NBEA: variants seen among roughly 807,000 people sequenced by gnomAD.
NBEA encodes the protein lysosomal-trafficking regulator 2.
Under a neutral mutation model 343.4 loss-of-function variants are expected in NBEA, and 44 were observed. The ratio of observed to expected loss-of-function variants is 0.13; its 90% confidence interval spans 0.10 to 0.16. NBEA has a LOEUF of 0.16. NBEA is among the 10% of genes least tolerant of loss of function. The pLI, the probability that NBEA is intolerant of heterozygous loss-of-function variation, is 1.00. For synonymous variants in NBEA, 1,175 were observed against 1,238.7 expected (o/e 0.95, Z 1.08); for missense variants, 2,555 against 3,631.3 (o/e 0.70, Z 7.62).
chr13:35,487,026 T>C (rs1028917070), intron 41 of NBEA, among the ~76,000 whole-genome samples: 3 of 151,972 alleles, frequency 2.0e-5, no homozygotes, highest in Non-Finnish European at 4.4e-5. Context: ...TATAAAGGTT[T>C]ATCCATATCA....
intron 18 of NBEA, among the ~76,000 whole-genome samples, chr13:35,146,462 G>A (rs528275138): frequency 5.3e-5 from 8 of 152,206 alleles, no homozygotes; most frequent in East Asian, 3.9e-4. Context: ...TGTGGGAGCC[G>A]CCAGGAACGT....
intron 8 of NBEA, among the ~76,000 whole-genome samples, chr13:35,059,180 A>G (rs2152567734): frequency 6.6e-6 from 1 of 152,086 alleles, no homozygotes; most frequent in African/African-American, 2.4e-5. Flanking sequence ...ATATTACTTA[A>G]TGAACATAAT....
At chr13:35,445,820 A>ATATATATATATATATATG (rs2045999308) in intron 39 of NBEA, among the ~76,000 whole-genome samples, 1 of 134,784 alleles carries the variant, frequency 7.4e-6, no homozygotes, top group African/African-American at 2.7e-5. Context: ...ATATATATGT[A>ATATATATATATATATATG]TATATATATA....
intron 41 of NBEA, among the ~76,000 whole-genome samples, chr13:35,481,008 G>A (rs1445731410): frequency 1.3e-5 from 2 of 151,874 alleles, no homozygotes; most frequent in Non-Finnish European, 2.9e-5. Flanking sequence ...GTCACTGTTT[G>A]CACAATTTAG....
chr13:35,330,542 C>G (rs1566627274), intron 36 of NBEA, among the ~76,000 whole-genome samples: 1 of 151,962 alleles, frequency 6.6e-6, no homozygotes, highest in Non-Finnish European at 1.5e-5. Flanking sequence ...TTCAATGATT[C>G]TCTCCTTTCC....
At chr13:35,294,463 G>A (rs574545729) in intron 35 of NBEA, among the ~76,000 whole-genome samples, 13 of 152,000 alleles carry the variant, frequency 8.6e-5, no homozygotes, top group Non-Finnish European at 4.4e-5. Flanking sequence ...ATAGTAAGAA[G>A]ATTTCAAATA....
intron 11 of NBEA, among the ~76,000 whole-genome samples, chr13:35,100,109 C>T (rs1168109377): frequency 1.3e-5 from 2 of 151,960 alleles, no homozygotes; most frequent in Admixed American, 1.3e-4. Context: ...AATTGTTTTA[C>T]ATTTGAAATA....
chr13:34,978,683 T>A (rs926205097), intron 1 of NBEA, among the ~76,000 whole-genome samples: 1 of 152,172 alleles, frequency 6.6e-6, no homozygotes, highest in Non-Finnish European at 1.5e-5. Flanking sequence ...TATTGGCTGT[T>A]GTAGAATCTT....
chr13:35,082,370 A>G (rs144455296), intron 10 of NBEA, among the ~76,000 whole-genome samples: 1,787 of 152,298 alleles, frequency 0.012, 38 homozygotes, highest in African/African-American at 0.041. Context: ...TAGTGCCTCA[A>G]TAAACATATG....
At chr13:35,309,296 T>C (rs1309490829) in intron 35 of NBEA, among the ~76,000 whole-genome samples, 1 of 152,108 alleles carries the variant, frequency 6.6e-6, no homozygotes, top group East Asian at 1.9e-4. Context: ...ACTTTCCATC[T>C]CAGTTTGCAT....
At chr13:35,457,155 T>C (rs1055304711) in intron 40 of NBEA, among the ~76,000 whole-genome samples, 2 of 152,110 alleles carry the variant, frequency 1.3e-5, no homozygotes, top group Non-Finnish European at 2.9e-5. Flanking sequence ...CATCTCCTCC[T>C]GTTAAAAACC....
rs111535899 is a variant in NBEA, at chr13:35,321,840, C to G, written c.5903+12248C>G. On this transcript the variant is annotated intron_variant, in intron 36 of 58. Transcript: ENST00000379939. ...AGGCAGTCTGGCTACAGTGGCTTTG[C>G]TGAGCTGCGGAGGGCTCCGCCCAGT... Among the ~76,000 whole-genome samples the G allele has an allele frequency of 6.4e-3, 978 of 152,292 alleles. 9 individuals carry two copies. Among genetic ancestry groups the G allele is most frequent in the African/African-American group, 0.023 (940 of 41,566 alleles).
chr13:35,408,790 A>G (rs751415914), intron 38 of NBEA, among the ~76,000 whole-genome samples: 17 of 152,222 alleles, frequency 1.1e-4, no homozygotes, highest in Non-Finnish European at 2.1e-4. Flanking sequence ...AATCAATACC[A>G]CAATGAGACA....
chr13:35,259,711 A>G (rs957718747), intron 34 of NBEA, among the ~76,000 whole-genome samples: 5 of 152,186 alleles, frequency 3.3e-5, no homozygotes, highest in African/African-American at 1.2e-4. Context: ...ATATGAACAG[A>G]TAATCATTTG....
rs74996428 is a variant in NBEA, at chr13:35,007,202, T to C, written c.295-33731T>C. ...AATTCTGTGTTCAAACACTGCTTCTTTATTTCTTTCTCCTATCCTTCATGA... is the reference window on the plus strand; with the variant it reads ...AATTCTGTGTTCAAACACTGCTTCTCTATTTCTTTCTCCTATCCTTCATGA... On this transcript the variant is annotated intron_variant, in intron 1 of 58. Transcript: ENST00000379939. Among the ~76,000 whole-genome samples, 608 of 152,260 alleles carry C rather than the reference T, an allele frequency of 4.0e-3. 10 individuals are homozygous for C. The highest frequency in any genetic ancestry group is 0.013 in the African/African-American group (559 of 41,560).
chr13:35,198,884 G>A (rs571051900), intron 31 of NBEA, among the ~76,000 whole-genome samples: 17 of 152,032 alleles, frequency 1.1e-4, no homozygotes, highest in Non-Finnish European at 1.9e-4. Context: ...AGTTTGAAAT[G>A]AGTTGCCACG....
chr13:35,337,660 A>G (rs912034736), intron 36 of NBEA, among the ~76,000 whole-genome samples: 87 of 152,124 alleles, frequency 5.7e-4, no homozygotes, highest in African/African-American at 2.0e-3. Context: ...GTCATTTAAC[A>G]GTAGCAGGCA....
chr13:35,398,701 G>A (rs1360028642), intron 38 of NBEA, among the ~76,000 whole-genome samples: 2 of 151,976 alleles, frequency 1.3e-5, no homozygotes, highest in African/African-American at 2.4e-5. Flanking sequence ...AAACAAATAT[G>A]CTGTCACTAG....
At chr13:35,408,682 A>AG (rs72519339) in intron 38 of NBEA, among the ~76,000 whole-genome samples, 4 of 151,730 alleles carry the variant, frequency 2.6e-5, no homozygotes, top group Admixed American at 2.6e-4. Context: ...CCCAATTAAA[A>AG]ATGGGAAAGA....
Sources: gnomAD v4.1 joint callset for allele counts (sites outside exome capture counted in the v4.1 genomes callset) on GRCh38, gnomAD v4.1.1 for gene constraint, MANE v1.5 for transcripts, NCBI Gene and HGNC (gene_info 2026-07-23, HGNC 2026-07-21) for gene names.